The following RAPGEF2 variants were observed in gnomAD, a reference collection of about 807,000 sequenced individuals.
RAPGEF2 encodes the protein PDZ domain containing guanine nucleotide exchange factor (GEF) 1.
A neutral mutation model predicts 186.7 loss-of-function variants in RAPGEF2; 54 were observed. That is an observed-to-expected ratio of 0.29 (90% CI 0.23 to 0.36). The LOEUF is 0.36. RAPGEF2 is among the 10% of genes least tolerant of loss of function. The probability of loss-of-function intolerance (pLI) is 1.00; values close to 1 mark genes in which losing one functional copy is unlikely to be tolerated. For missense variants in RAPGEF2, 1,532 were observed against 2,045.0 expected (o/e 0.75, Z 4.84); for synonymous variants, 712 against 705.9 (o/e 1.01, Z -0.14).
intron 17 of RAPGEF2, among the ~76,000 whole-genome samples, chr4:159,334,746 G>A (rs1384458395): frequency 6.6e-6 from 1 of 152,194 alleles, no homozygotes; most frequent in Non-Finnish European, 1.5e-5. Flanking sequence ...AGAATACCAT[G>A]TCTAATTTTG....
At chr4:159,334,629 T>TA (rs1561300429) in intron 17 of RAPGEF2, among the ~76,000 whole-genome samples, 3 of 152,046 alleles carry the variant, frequency 2.0e-5, no homozygotes, top group East Asian at 1.9e-4. Context: ...TAAGAACCTT[T>TA]AAAAAAAAGT....
At chr4:159,140,824 G>GAA (rs35688115) in intron 1 of RAPGEF2, among the ~76,000 whole-genome samples, 20 of 147,816 alleles carry the variant, frequency 1.4e-4, no homozygotes, top group African/African-American at 3.7e-4. Flanking sequence ...TTTTTTTCTG[G>GAA]AAAAAAAAAA....
chr4:159,357,098 G>T lies in RAPGEF2; in HGVS notation c.4957+940G>T, dbSNP rs199709181. On this transcript the variant is annotated intron_variant, in intron 29 of 29. Coordinates refer to ENST00000691494, the MANE Select transcript of RAPGEF2 (RefSeq NM_001394067.2). ...ATTATCAGCCAGCCTGATGGCTCATGCCTGTAATCCCAGCACTTTGGGAGG... is the reference window on the plus strand; with the variant it reads ...ATTATCAGCCAGCCTGATGGCTCATTCCTGTAATCCCAGCACTTTGGGAGG... Among the ~76,000 whole-genome samples, 64 of 151,282 alleles carry T rather than the reference G, an allele frequency of 4.2e-4. No individual in the cohort carries two copies. The East Asian group carries it at 8.8e-3, about 21-fold the overall frequency.
chr4:159,212,185 G>A (rs1579477584), intron 4 of RAPGEF2, among the ~76,000 whole-genome samples: 2 of 152,184 alleles, frequency 1.3e-5, no homozygotes, highest in South Asian at 4.2e-4. Flanking sequence ...AACCAGCTTC[G>A]ATAATTCTAG....
In RAPGEF2 at chr4:159,241,298, GACAA is replaced by G; in HGVS notation, c.460_463del (p.Thr154LeufsTer45). On this transcript the variant is annotated frameshift_variant, in exon 6 of 30. Coordinates refer to ENST00000691494, the MANE Select transcript of RAPGEF2 (RefSeq NM_001394067.2). LOFTEE classifies it high-confidence loss of function. ...AGAAAAATCAACCAGAAAGGTGAAA[GACAA>G]ACAATTATTGACACTGTGGATCCTT... The G allele has an allele frequency of 6.5e-7, 1 of 1,533,422 alleles. No homozygotes were observed. Among genetic ancestry groups the G allele is most frequent in the Non-Finnish European group, 8.7e-7 (1 of 1,145,272 alleles). The allele number at this position is 1,533,422 out of a possible 1,614,324, so 95.0% of individuals were successfully genotyped here. A position where few individuals can be genotyped will look rare whatever the true frequency, so the allele number is the denominator to read the frequency against.
chr4:159,117,770 A>C (rs1279285421), intron 1 of RAPGEF2, among the ~76,000 whole-genome samples: 3 of 152,066 alleles, frequency 2.0e-5, no homozygotes, highest in Non-Finnish European at 4.4e-5. Flanking sequence ...TTTTGATTTC[A>C]CAGGCTTAAA....
intron 7 of RAPGEF2, among the ~76,000 whole-genome samples, chr4:159,251,887 G>C (rs1363752234): frequency 6.6e-6 from 1 of 151,720 alleles, no homozygotes; most frequent in Non-Finnish European, 1.5e-5. Context: ...CCACAGCGTG[G>C]AGTAAATTTT....
chr4:159,124,990 C>G (rs1740128813), intron 1 of RAPGEF2, among the ~76,000 whole-genome samples: 2 of 151,326 alleles, frequency 1.3e-5, no homozygotes, highest in Non-Finnish European at 2.9e-5. Flanking sequence ...AGTTTTCTAG[C>G]CTAACTTTCT....
rs1029938797 is a variant in RAPGEF2, at chr4:159,309,910, G to A, written c.676-4681G>A. Among the ~76,000 whole-genome samples the A allele has an allele frequency of 2.0e-5, 3 of 152,058 alleles. No individual in the cohort carries two copies. The East Asian group carries it at 5.8e-4, about 29-fold the overall frequency. On this transcript the variant is annotated intron_variant, in intron 8 of 29. Transcript: ENST00000691494. ...TTCAATAAATGGTCTTTGGGGTTGG[G>A]GAATCATTTTGTATTCTTATTTTGT...
At chr4:159,231,648 A>G (rs1365266060) in intron 4 of RAPGEF2, among the ~76,000 whole-genome samples, 2 of 152,116 alleles carry the variant, frequency 1.3e-5, no homozygotes, top group Non-Finnish European at 2.9e-5. Context: ...TAATCCAAAA[A>G]TTTCAAATAC....
chr4:159,342,698 A>G (rs1297230479), intron 20 of RAPGEF2, among the ~76,000 whole-genome samples: 2 of 151,574 alleles, frequency 1.3e-5, no homozygotes, highest in Non-Finnish European at 2.9e-5. Context: ...ACTGCTGTGT[A>G]TGGAAACAAA....
chr4:159,172,205 T>A (rs1191682397), intron 1 of RAPGEF2, among the ~76,000 whole-genome samples: 1 of 152,186 alleles, frequency 6.6e-6, no homozygotes, highest in Non-Finnish European at 1.5e-5. Flanking sequence ...TGAAATCTTT[T>A]ACCAAGAAAA....
At chr4:159,205,375 C>T (rs1328028942) in intron 3 of RAPGEF2, among the ~76,000 whole-genome samples, 1 of 152,152 alleles carries the variant, frequency 6.6e-6, no homozygotes, top group African/African-American at 2.4e-5. Flanking sequence ...ATTATTATTA[C>T]TACCACTACA....
chr4:159,119,882 A>G (rs1274338165), intron 1 of RAPGEF2, among the ~76,000 whole-genome samples: 1 of 152,246 alleles, frequency 6.6e-6, no homozygotes, highest in African/African-American at 2.4e-5. Context: ...TACTCTATTT[A>G]AAAAATTCCA....
At chr4:159,299,628 T>C (rs1762419353) in intron 7 of RAPGEF2, among the ~76,000 whole-genome samples, 1 of 151,972 alleles carries the variant, frequency 6.6e-6, no homozygotes, top group Admixed American at 6.6e-5. Context: ...TTTACCAATT[T>C]AACTTTTTTT....
At chr4:159,226,604 G>A (rs1001375707) in intron 4 of RAPGEF2, among the ~76,000 whole-genome samples, 2 of 152,126 alleles carry the variant, frequency 1.3e-5, no homozygotes, top group African/African-American at 4.8e-5. Flanking sequence ...TCCAAACCGC[G>A]AACTCTTTCT....
intron 7 of RAPGEF2, among the ~76,000 whole-genome samples, chr4:159,275,623 G>C (rs1453298709): frequency 6.6e-6 from 1 of 152,056 alleles, no homozygotes; most frequent in Non-Finnish European, 1.5e-5. Flanking sequence ...ATTGAGTTTT[G>C]AGAATATACG....
At chr4:159,189,345 CTG>C (rs1334825178) in intron 2 of RAPGEF2, among the ~76,000 whole-genome samples, 1 of 152,114 alleles carries the variant, frequency 6.6e-6, no homozygotes, top group African/African-American at 2.4e-5. Context: ...AGATCACACA[CTG>C]TGCAATGTAA....
Position 159,345,251 on chromosome 4 carries a change from C to G in RAPGEF2, c.3424C>G (p.Leu1142Val). ...AATGGCTCGAAAAGTGAAGCAGTAC[C>G]TTTCCAATTTGGAGCTAGAAATGGA... ...AQMARKVKQY[L>V]SNLELEMDEE... The change falls in exon 24 of 30, where the codon CTT becomes GTT. Residue 1142 changes from leucine (L) to valine (V), a missense_variant. Around this residue, in one of 4 missense-constraint regions of RAPGEF2, gnomAD observed 117 missense variants for 180.8 expected, o/e 0.65. Transcript: ENST00000691494. 6.2e-7 allele frequency: 1 copy of G among 1,614,186 alleles called. No individual in the cohort carries two copies. The highest frequency in any genetic ancestry group is 8.5e-7 in the Non-Finnish European group (1 of 1,180,010).
Sources: gnomAD v4.1 joint callset for allele counts (sites outside exome capture counted in the v4.1 genomes callset) on GRCh38, gnomAD v4.1.1 for gene constraint, gnomAD v4.1.1 regional missense constraint, MANE v1.5 for transcripts, NCBI Gene and HGNC (gene_info 2026-07-23, HGNC 2026-07-21) for gene names.